Variants in WIPF1 observed in about 807,000 individuals in gnomAD.
WIPF1 encodes the protein WAS/WASL-interacting protein family member 1.
Under a neutral mutation model 35.4 loss-of-function variants are expected in WIPF1, and 13 were observed. That is an observed-to-expected ratio of 0.37 (90% CI 0.24 to 0.58). The LOEUF is 0.58. Ranked by LOEUF, WIPF1 falls within the 20% of genes least tolerant of loss-of-function variation. The pLI is 0.74. For missense variants in WIPF1, 591 were observed against 667.0 expected, an observed-to-expected ratio of 0.89 and a Z score of 1.25; for synonymous variants, 267 against 266.3, an observed-to-expected ratio of 1.00 and a Z score of -0.02.
chr2:174,565,635 C>T (rs888341143), intron 7 of WIPF1, among the ~76,000 whole-genome samples: 1 of 152,134 alleles, frequency 6.6e-6, no homozygotes, highest in African/African-American at 2.4e-5. Context: ...AGGTTTGGAA[C>T]CAACCAACCA....
intron 1 of WIPF1, among the ~76,000 whole-genome samples, chr2:174,604,581 G>A (rs954376367): frequency 6.7e-5 from 10 of 150,036 alleles, no homozygotes; most frequent in Admixed American, 2.0e-4. Context: ...TTAAAATAGT[G>A]GAAAAAAAAC....
intron 1 of WIPF1, among the ~76,000 whole-genome samples, chr2:174,667,903 A>T (rs1687926474): frequency 6.6e-6 from 1 of 152,174 alleles, no homozygotes; most frequent in African/African-American, 2.4e-5. Context: ...CTCACCCCCA[A>T]AATGACTTGA....
Position 174,571,443 on chromosome 2 carries a change from C to A in WIPF1, c.1129+233G>T, listed in dbSNP as rs1324294283. 1 of 634,718 alleles carries A rather than the reference C, an allele frequency of 1.6e-6. No individual in the cohort carries two copies. The highest frequency in any genetic ancestry group is 2.8e-6 in the Non-Finnish European group (1 of 356,666). The allele number at this position is 634,718 out of a possible 1,614,324, so 39.3% of individuals were successfully genotyped here. Reference sequence around the variant, plus strand: ...TATTAACTAGCTCGTGACCATTTAACTTTATTAGCTACTCAGTGTCCTCAT... The same window carrying A: ...TATTAACTAGCTCGTGACCATTTAAATTTATTAGCTACTCAGTGTCCTCAT... On this transcript the variant is annotated intron_variant, in intron 5 of 7. Transcript: ENST00000679041. This position sits in a 1 kb window ranked among gnomAD's most constrained non-coding sequence, Gnocchi z 4.6.
At chr2:174,646,863 C>T (rs1687420519) in intron 1 of WIPF1, among the ~76,000 whole-genome samples, 1 of 152,184 alleles carries the variant, frequency 6.6e-6, no homozygotes, top group Non-Finnish European at 1.5e-5. Context: ...AATCTGCCCA[C>T]CTCCGCCTCC....
chr2:174,585,366 G>A (rs953482062), intron 2 of WIPF1, among the ~76,000 whole-genome samples, 157 bp downstream of exon 2: 1 of 152,144 alleles, frequency 6.6e-6, no homozygotes, highest in Non-Finnish European at 1.5e-5. Context: ...GTATTTGCTG[G>A]GTTTCAGGAT....
At chr2:174,643,736 A>G (rs1687345609) in intron 1 of WIPF1, among the ~76,000 whole-genome samples, 1 of 152,146 alleles carries the variant, frequency 6.6e-6, no homozygotes, top group South Asian at 2.1e-4. Context: ...TATTTTTAAC[A>G]GATTTTTCAG....
intron 1 of WIPF1, among the ~76,000 whole-genome samples, chr2:174,631,727 T>C (rs1687028600): frequency 6.6e-6 from 1 of 152,204 alleles, no homozygotes; most frequent in African/African-American, 2.4e-5. Context: ...TCCAGAGACC[T>C]GGGCCTCCAG....
chr2:174,577,454 G>T (rs543475211), intron 3 of WIPF1, among the ~76,000 whole-genome samples: 2 of 152,258 alleles, frequency 1.3e-5, no homozygotes, highest in East Asian at 3.9e-4. Context: ...AAGTTAATAT[G>T]AATTATTGGT....
At chr2:174,613,524 CT>C (rs1686416083) in intron 1 of WIPF1, among the ~76,000 whole-genome samples, 1 of 152,202 alleles carries the variant, frequency 6.6e-6, no homozygotes, top group Non-Finnish European at 1.5e-5. Context: ...ATGTTCCTCA[CT>C]TTGCACAGTT....
At chr2:174,608,258 C>T (rs1406023941) in intron 1 of WIPF1, among the ~76,000 whole-genome samples, 2 of 152,172 alleles carry the variant, frequency 1.3e-5, no homozygotes, top group South Asian at 2.1e-4. Context: ...AGTCCCATAA[C>T]GGCTTCACGT....
intron 1 of WIPF1, among the ~76,000 whole-genome samples, chr2:174,641,985 G>A (rs1044504984): frequency 6.6e-6 from 1 of 152,156 alleles, no homozygotes; most frequent in Non-Finnish European, 1.5e-5. Flanking sequence ...TATCGGTGCA[G>A]AGACTCAGAG....
rs1487566320 is a variant in WIPF1, at chr2:174,562,317, C to T, written c.*230G>A. The T allele has an allele frequency of 6.7e-7, 1 of 1,493,150 alleles. No individual in the cohort carries two copies. Among genetic ancestry groups the T allele is most frequent in the Non-Finnish European group, 8.9e-7 (1 of 1,119,266 alleles). The allele number at this position is 1,493,150 out of a possible 1,614,324, so 92.5% of individuals were successfully genotyped here. ...AGCCTATCGACCCCAGCAGCCAGCACAGGCAGGCTGCAGCTGAAGCAAGCA... is the reference window on the plus strand; with the variant it reads ...AGCCTATCGACCCCAGCAGCCAGCATAGGCAGGCTGCAGCTGAAGCAAGCA... On this transcript the variant is annotated 3_prime_UTR_variant, in exon 8 of 8. Transcript: ENST00000679041.
In WIPF1 at chr2:174,560,716, T is replaced by C. The variant is rs1401949530; in HGVS notation, c.*1831A>G. On this transcript the variant is annotated 3_prime_UTR_variant, in exon 8 of 8. Coordinates refer to ENST00000679041, the MANE Select transcript of WIPF1 (RefSeq NM_001375834.1). The stretch of plus-strand genomic sequence containing the variant: ...GAGAGGAAACACAGGTTCTCTAATG[T>C]ACTAAATCAGGACTTTGGCAAGGAA... The C allele has an allele frequency of 6.6e-6, 1 of 152,652 alleles. No individual in the cohort carries two copies. Among genetic ancestry groups the C allele is most frequent in the Non-Finnish European group, 1.5e-5 (1 of 68,042 alleles). The allele number at this position is 152,652 out of a possible 1,614,324, so 9.5% of individuals were successfully genotyped here.
intron 1 of WIPF1, among the ~76,000 whole-genome samples, chr2:174,614,199 T>G (rs1686437301): frequency 6.6e-6 from 1 of 152,236 alleles, no homozygotes; most frequent in African/African-American, 2.4e-5. Flanking sequence ...TCATTTCACC[T>G]GGAGAGAGCC....
intron 1 of WIPF1, among the ~76,000 whole-genome samples, chr2:174,660,283 C>T (rs1051823240): frequency 2.9e-4 from 44 of 152,180 alleles, no homozygotes; most frequent in Admixed American, 2.9e-3. Context: ...TGGGTCCAAA[C>T]CCCGGTCCTG....
chr2:174,607,547 C>T (rs1421957041), intron 1 of WIPF1, among the ~76,000 whole-genome samples: 5 of 152,176 alleles, frequency 3.3e-5, no homozygotes, highest in Non-Finnish European at 1.5e-5. Flanking sequence ...CATTTTATAC[C>T]AAGTAAAACC....
chr2:174,591,433 G>A (rs1358751699), intron 1 of WIPF1, among the ~76,000 whole-genome samples: 1 of 152,076 alleles, frequency 6.6e-6, no homozygotes, highest in African/African-American at 2.4e-5. Context: ...ATTGTCATAC[G>A]TTAAAAAATT....
At chr2:174,617,827 G>T (rs1275873268) in intron 1 of WIPF1, among the ~76,000 whole-genome samples, 1 of 152,228 alleles carries the variant, frequency 6.6e-6, no homozygotes, top group Non-Finnish European at 1.5e-5. Flanking sequence ...TCCATGAATG[G>T]AAAGAAGTGA....
At chr2:174,574,621 G>A in intron 4 of WIPF1, 1 of 413,662 alleles carries the variant, frequency 2.4e-6, no homozygotes, top group Non-Finnish European at 4.3e-6. Context: ...TCATGAGCAA[G>A]TTCAGTTTTT....
Sources: allele counts gnomAD v4.1 joint callset (sites outside exome capture counted in the v4.1 genomes callset), GRCh38; gene constraint gnomAD v4.1.1; non-coding constraint Gnocchi (gnomAD v3.1); transcripts MANE v1.5; gene names NCBI Gene and HGNC (gene_info 2026-07-23, HGNC 2026-07-21).